The following KCNQ5 variants were observed in gnomAD, a reference collection of about 807,000 sequenced individuals.
The protein encoded by KCNQ5 is potassium voltage-gated channel subfamily Q member 5.
Under a neutral mutation model 98.2 loss-of-function variants are expected in KCNQ5, and 30 were observed. That is an observed-to-expected ratio of 0.31 (90% confidence interval 0.23 to 0.41). The LOEUF is 0.41. Ranked by LOEUF, KCNQ5 falls within the 10% of genes least tolerant of loss-of-function variation. The pLI is 1.00. For synonymous variants in KCNQ5, 458 were observed against 449.4 expected (o/e 1.02, Z -0.24); for missense variants, 835 against 1,182.5 (o/e 0.71, Z 4.31).
At chr6:72,685,120 C>A (rs1290852632) in intron 1 of KCNQ5, among the ~76,000 whole-genome samples, 1 of 152,130 alleles carries the variant, frequency 6.6e-6, no homozygotes, top group East Asian at 1.9e-4. Context: ...ATGTGTTGTG[C>A]AGAATGATTG....
intron 3 of KCNQ5, among the ~76,000 whole-genome samples, chr6:73,050,585 G>A (rs1219905581): frequency 2.0e-5 from 3 of 152,020 alleles, no homozygotes; most frequent in Admixed American, 6.6e-5. Flanking sequence ...AATTTCACCA[G>A]TTTTTACATG....
intron 1 of KCNQ5, among the ~76,000 whole-genome samples, chr6:72,724,112 C>T (rs1770133503): frequency 6.6e-6 from 1 of 150,768 alleles, no homozygotes; most frequent in Non-Finnish European, 1.5e-5. Flanking sequence ...TGGTTTGTTC[C>T]CTAATTATTT....
intron 1 of KCNQ5, among the ~76,000 whole-genome samples, chr6:72,902,770 T>C (rs192600552): frequency 8.5e-5 from 13 of 152,306 alleles, no homozygotes; most frequent in Non-Finnish European, 1.6e-4. Context: ...TCTTAGCATC[T>C]ATGTGCATCA....
chr6:73,065,483 T>G (rs568809748), intron 3 of KCNQ5, among the ~76,000 whole-genome samples: 2 of 152,320 alleles, frequency 1.3e-5, no homozygotes, highest in South Asian at 4.1e-4. Context: ...CTCTCTGACA[T>G]CTGGCTTCCT....
chr6:73,061,027 G>A (rs1772756227), intron 3 of KCNQ5, among the ~76,000 whole-genome samples: 1 of 152,138 alleles, frequency 6.6e-6, no homozygotes, highest in Non-Finnish European at 1.5e-5. Context: ...TGTAGTAAAT[G>A]TTCACTATAG....
intron 1 of KCNQ5, among the ~76,000 whole-genome samples, chr6:72,669,274 G>A (rs1766978379): frequency 6.6e-6 from 1 of 152,146 alleles, no homozygotes; most frequent in Admixed American, 6.5e-5. Flanking sequence ...ACAGTTATAG[G>A]ATAGACGTTC....
In KCNQ5 at chr6:72,702,082, C is replaced by G. The variant is rs1163622878; in HGVS notation, c.398+79495C>G. 2.6e-5 allele frequency among the ~76,000 whole-genome samples: 4 copies of G among 152,088 alleles called. 1 individual carries two copies. Among genetic ancestry groups the G allele is most frequent in the Non-Finnish European group, 5.9e-5 (4 of 68,014 alleles). On this transcript the variant is annotated intron_variant, in intron 1 of 13. Coordinates refer to ENST00000370398, the MANE Select transcript of KCNQ5 (RefSeq NM_019842.4). ...TCATACATCATTATTAGAGAGAATG[C>G]TCAACTAAATTGTTACATTCTTTCC...
At chr6:72,895,060 C>T (rs1779191530) in intron 1 of KCNQ5, among the ~76,000 whole-genome samples, 2 of 143,146 alleles carry the variant, frequency 1.4e-5, no homozygotes, top group East Asian at 2.0e-4. Context: ...GGGCGGATCA[C>T]GAGGTCAGGA....
chr6:73,165,881 G>A (rs1388809413), intron 10 of KCNQ5, among the ~76,000 whole-genome samples: 1 of 151,468 alleles, frequency 6.6e-6, no homozygotes, highest in Non-Finnish European at 1.5e-5. Flanking sequence ...GGAGGCGGAG[G>A]TTGCAGTGAG....
At chr6:72,906,262 A>C (rs2150200083) in intron 1 of KCNQ5, among the ~76,000 whole-genome samples, 1 of 152,264 alleles carries the variant, frequency 6.6e-6, no homozygotes, top group African/African-American at 2.4e-5. Context: ...TGCTAGCAGC[A>C]CTGAGTCTGT....
chr6:72,884,890 T>C (rs889579096), intron 1 of KCNQ5, among the ~76,000 whole-genome samples: 10 of 152,170 alleles, frequency 6.6e-5, no homozygotes, highest in African/African-American at 2.4e-4. Flanking sequence ...ATTGCTGGGA[T>C]TACAGGCGTG....
chr6:72,866,882 T>TCCAAAGTTTGGAG (rs1396143669), intron 1 of KCNQ5, among the ~76,000 whole-genome samples: 1 of 152,228 alleles, frequency 6.6e-6, no homozygotes. Flanking sequence ...TTTGGAAAAC[T>TCCAAAGTTTGGAG]ACATGAACTT....
chr6:73,157,071 C>T (rs1243624907), intron 10 of KCNQ5, among the ~76,000 whole-genome samples: 1 of 152,188 alleles, frequency 6.6e-6, no homozygotes, highest in Non-Finnish European at 1.5e-5. Context: ...GGGGCCAGGA[C>T]CTGTTGCTAT....
intron 1 of KCNQ5, among the ~76,000 whole-genome samples, chr6:72,748,132 G>A (rs1032483600): frequency 6.6e-6 from 1 of 152,118 alleles, no homozygotes; most frequent in African/African-American, 2.4e-5. Context: ...TTGAGATTGG[G>A]AGAGTAGTTG....
At chr6:73,072,365 G>A (rs1324333567) in intron 3 of KCNQ5, among the ~76,000 whole-genome samples, 1 of 152,106 alleles carries the variant, frequency 6.6e-6, no homozygotes, top group Non-Finnish European at 1.5e-5. Context: ...TTTACATTGA[G>A]CCATGTTATA....
chr6:73,011,064 T>C (rs1345214725), intron 2 of KCNQ5, among the ~76,000 whole-genome samples: 1 of 152,070 alleles, frequency 6.6e-6, no homozygotes, highest in East Asian at 1.9e-4. Flanking sequence ...GCCCAAACTA[T>C]TTTGAAAGTA....
At chr6:72,717,129 T>C (rs1402146070) in intron 1 of KCNQ5, among the ~76,000 whole-genome samples, 2 of 152,254 alleles carry the variant, frequency 1.3e-5, no homozygotes, top group East Asian at 1.9e-4. Context: ...ATGAGCTTCA[T>C]AAACTGTGTC....
intron 1 of KCNQ5, among the ~76,000 whole-genome samples, chr6:72,838,840 C>T (rs1445845654): frequency 1.3e-5 from 2 of 148,608 alleles, no homozygotes; most frequent in Non-Finnish European, 3.0e-5. Flanking sequence ...GTCCCAGCTA[C>T]TCGGGAGGCT....
chr6:72,816,656 G>T (rs1345427128), intron 1 of KCNQ5, among the ~76,000 whole-genome samples: 2 of 152,150 alleles, frequency 1.3e-5, no homozygotes, highest in African/African-American at 4.8e-5. Flanking sequence ...AATTAACATG[G>T]TCTGCCAAAC....
Sources: allele counts gnomAD v4.1 joint callset (sites outside exome capture counted in the v4.1 genomes callset), GRCh38; gene constraint gnomAD v4.1.1; transcripts MANE v1.5; gene names NCBI Gene and HGNC (gene_info 2026-07-23, HGNC 2026-07-21).